Variants in GABBR2 observed in about 807,000 individuals in gnomAD.
GABBR2 encodes G-protein coupled receptor 51.
A neutral mutation model predicts 105.6 loss-of-function variants in GABBR2; 23 were observed. That is an observed-to-expected ratio of 0.22 (90% CI 0.16 to 0.31). The LOEUF is 0.31. Among genes scored for constraint, GABBR2 ranks in the 10% least tolerant of loss-of-function variants. The pLI, the probability that GABBR2 is intolerant of heterozygous loss-of-function variation, is 1.00. For missense variants in GABBR2, 734 were observed against 1,245.5 expected, an observed-to-expected ratio of 0.59 and a Z score of 6.18; for synonymous variants, 478 against 499.7, an observed-to-expected ratio of 0.96 and a Z score of 0.58.
At chr9:98,604,782 T>C (rs1011632729) in intron 1 of GABBR2, among the ~76,000 whole-genome samples, 1 of 152,184 alleles carries the variant, frequency 6.6e-6, no homozygotes, top group Non-Finnish European at 1.5e-5. Context: ...AAAACAAACA[T>C]TATCACACCC....
chr9:98,643,735 G>C (rs1588266159), intron 1 of GABBR2, among the ~76,000 whole-genome samples: 1 of 152,200 alleles, frequency 6.6e-6, no homozygotes, highest in African/African-American at 2.4e-5. Context: ...GCAGAGATGG[G>C]CACAGCCCCC....
At chr9:98,573,290 T>G (rs1393653152) in intron 2 of GABBR2, among the ~76,000 whole-genome samples, 1 of 152,116 alleles carries the variant, frequency 6.6e-6, no homozygotes, top group Middle Eastern at 3.2e-3. Flanking sequence ...CACTTATTAT[T>G]TTTTTTAATA....
intron 13 of GABBR2, among the ~76,000 whole-genome samples, chr9:98,329,254 G>A (rs950651428): frequency 2.0e-5 from 3 of 152,232 alleles, no homozygotes; most frequent in African/African-American, 4.8e-5. Context: ...CTGGTAGCTT[G>A]TCCTTAGTCA....
intron 1 of GABBR2, among the ~76,000 whole-genome samples, chr9:98,701,339 G>A (rs1193509435): frequency 6.6e-6 from 1 of 152,204 alleles, no homozygotes; most frequent in Non-Finnish European, 1.5e-5. Flanking sequence ...GTCCGTGGGT[G>A]CCTGGCTAGG....
chr9:98,543,146 G>C (rs2131741742), intron 2 of GABBR2, among the ~76,000 whole-genome samples: 1 of 151,982 alleles, frequency 6.6e-6, no homozygotes, highest in South Asian at 2.1e-4. Flanking sequence ...TTAATTGTCT[G>C]TTCCTGAAGG....
intron 7 of GABBR2, among the ~76,000 whole-genome samples, chr9:98,442,669 A>C (rs1365776595): frequency 6.6e-6 from 1 of 152,224 alleles, no homozygotes; most frequent in Non-Finnish European, 1.5e-5. Flanking sequence ...TGGGTGGCTT[A>C]AACAATGGGA....
rs1377391461 is a variant in GABBR2 at position 98,473,161 on chromosome 9, C to T, written c.984G>A (p.Lys328=). The stretch of plus-strand genomic sequence containing the variant: ...AGGCACTGACCTTTCCTGAGATGGT[C>T]TTGATCTGCTTGGAGCTCAGGGGCT... The part of the protein sequence containing the change: ...DFEPLSSKQI[K]TISGKTPQQY... Residue 328 remains lysine (K), a synonymous_variant, in exon 6 of 19, where the codon AAG becomes AAA. Coordinates refer to ENST00000259455, the MANE Select transcript of GABBR2 (RefSeq NM_005458.8). 3 of 1,613,350 alleles carry T rather than the reference C, an allele frequency of 1.9e-6. No individual in the cohort carries two copies. Among genetic ancestry groups the T allele is most frequent in the African/African-American group, 1.3e-5 (1 of 74,848 alleles).
chr9:98,477,138 G>C (rs1306844999), intron 5 of GABBR2, among the ~76,000 whole-genome samples: 1 of 152,216 alleles, frequency 6.6e-6, no homozygotes, highest in South Asian at 2.1e-4. Flanking sequence ...CTCTCCTGGA[G>C]CCCCAGGGCT....
intron 3 of GABBR2, among the ~76,000 whole-genome samples, chr9:98,535,469 A>C (rs570919365): frequency 5.9e-5 from 9 of 152,270 alleles, no homozygotes; most frequent in African/African-American, 2.2e-4. Flanking sequence ...ATAACACAAA[A>C]AAAAACCCAA....
At position 98,411,559 on chromosome 9, in the gene GABBR2, A is replaced by ATT. The variant is rs11435821; in HGVS notation, c.1237-5420_1237-5419dup. 4.0e-3 allele frequency among the ~76,000 whole-genome samples: 599 copies of ATT among 149,708 alleles called. 4 individuals are homozygous for ATT. The highest frequency in any genetic ancestry group is 0.012 in the African/African-American group (487 of 40,772). ...TAATGCCTTGAGTTAGTAAAATCCC[A>ATT]TTTTTTTTTTGTTTTGTTTTGAGAC... is the stretch of plus-strand genomic sequence containing the variant. On this transcript the variant is annotated intron_variant, in intron 7 of 18. Coordinates refer to ENST00000259455, the MANE Select transcript of GABBR2 (RefSeq NM_005458.8).
At chr9:98,584,973 T>G (rs372870973) in intron 1 of GABBR2, among the ~76,000 whole-genome samples, 3 of 152,178 alleles carry the variant, frequency 2.0e-5, no homozygotes, top group Admixed American at 2.0e-4. Flanking sequence ...GGAAATCAGA[T>G]AGCTAAGCTC....
At chr9:98,595,416 T>A (rs1829220228) in intron 1 of GABBR2, among the ~76,000 whole-genome samples, 1 of 151,020 alleles carries the variant, frequency 6.6e-6, no homozygotes, top group Non-Finnish European at 1.5e-5. Context: ...TGGGAGAGCA[T>A]ATGATGAAAG....
intron 13 of GABBR2, among the ~76,000 whole-genome samples, chr9:98,352,673 G>A (rs555554388): frequency 1.0e-3 from 158 of 152,182 alleles, no homozygotes; most frequent in African/African-American, 3.4e-3. Flanking sequence ...GCTGCTGGAG[G>A]GGGAGGGGTT....
chr9:98,366,391 C>G (rs539227238), intron 12 of GABBR2, among the ~76,000 whole-genome samples: 11 of 152,138 alleles, frequency 7.2e-5, no homozygotes, highest in Admixed American at 3.3e-4. Flanking sequence ...GAAATTTACA[C>G]CTTTACCATA....
chr9:98,459,331 G>T (rs1826383090), intron 6 of GABBR2, among the ~76,000 whole-genome samples: 2 of 152,170 alleles, frequency 1.3e-5, no homozygotes, highest in Admixed American at 6.5e-5. Flanking sequence ...CTAGGACTGA[G>T]AATCCATCAT....
chr9:98,293,775 A>C lies in GABBR2; in HGVS notation c.2660+10T>G, dbSNP rs201116009. The stretch of plus-strand genomic sequence containing the variant: ...TCTTCAGTTATAATTCTCAAGGAGA[A>C]GGTACTTACTGTTCTGGAGAGTTTA... On this transcript the variant is annotated intron_variant, in intron 18 of 18. Coordinates refer to ENST00000259455, the MANE Select transcript of GABBR2 (RefSeq NM_005458.8). 5.7e-4 allele frequency: 775 copies of C among 1,354,464 alleles called. 1 individual carries two copies. Among genetic ancestry groups the C allele is most frequent in the Non-Finnish European group, 4.2e-4 (398 of 949,932 alleles). 83.9% of individuals were successfully genotyped at this position (1,354,464 alleles called of 1,614,324 possible).
chr9:98,493,395 T>C (rs1827215958), intron 4 of GABBR2, among the ~76,000 whole-genome samples: 1 of 152,192 alleles, frequency 6.6e-6, no homozygotes, highest in Non-Finnish European at 1.5e-5. Flanking sequence ...CTACTGTTTC[T>C]ACTGTTTTGG....
intron 16 of GABBR2, among the ~76,000 whole-genome samples, chr9:98,300,582 C>T (rs1423377083): frequency 6.6e-6 from 1 of 152,160 alleles, no homozygotes; most frequent in East Asian, 1.9e-4. Context: ...ATTACCATAT[C>T]TGTATAATAG....
rs201160132 is a variant in GABBR2, at chr9:98,686,272, C to T, written c.321+22145G>A. ...TTCCTCATAATAATTTCCCATCCCT[C>T]CCAACCTGCTCTTGGGGTATGGCTC... On this transcript the variant is annotated intron_variant, in intron 1 of 18. Transcript: ENST00000259455. 2.6e-5 allele frequency among the ~76,000 whole-genome samples: 4 copies of T among 152,302 alleles called. No homozygotes were observed. In the East Asian group the frequency reaches 5.8e-4, roughly 22 times the overall value.
Sources: gnomAD v4.1 joint callset for allele counts (sites outside exome capture counted in the v4.1 genomes callset) on GRCh38, gnomAD v4.1.1 for gene constraint, MANE v1.5 for transcripts, NCBI Gene and HGNC (gene_info 2026-07-23, HGNC 2026-07-21) for gene names.